The following ADCY2 variants were observed in gnomAD, a reference collection of about 807,000 sequenced individuals.
ADCY2 encodes adenylate cyclase type 2.
In ADCY2, 31 loss-of-function variants were observed where a neutral mutation model predicts 125.2. The ratio of observed to expected loss-of-function variants is 0.25; its 90% CI spans 0.19 to 0.33. The LOEUF (loss-of-function observed/expected upper bound fraction) is 0.33, where lower values mean the gene tolerates loss of function less well. ADCY2 is among the 10% of genes least tolerant of loss of function. ADCY2 has a pLI of 1.00. For synonymous variants in ADCY2, 512 were observed against 548.4 expected (o/e 0.93, Z 0.93); for missense variants, 904 against 1,418.2 (o/e 0.64, Z 5.82).
intron 4 of ADCY2, among the ~76,000 whole-genome samples, chr5:7,667,158 A>C (rs149440528): frequency 1.3e-5 from 2 of 152,164 alleles, no homozygotes; most frequent in African/African-American, 4.8e-5. Flanking sequence ...AGAAGGGGAG[A>C]GGATTACTGC....
chr5:7,614,172 T>C (rs1245602836), intron 3 of ADCY2, among the ~76,000 whole-genome samples: 2 of 152,210 alleles, frequency 1.3e-5, no homozygotes, highest in African/African-American at 2.4e-5. Flanking sequence ...AGACCCCAGA[T>C]CACAATGAAC....
intron 2 of ADCY2, among the ~76,000 whole-genome samples, chr5:7,448,009 C>G (rs1579453259): frequency 6.6e-6 from 1 of 152,136 alleles, no homozygotes; most frequent in East Asian, 1.9e-4. Context: ...GAGGGTGTCC[C>G]TTGAAGAGGC....
At chr5:7,722,434 C>T (rs1444910483) in intron 12 of ADCY2, among the ~76,000 whole-genome samples, 1 of 152,114 alleles carries the variant, frequency 6.6e-6, no homozygotes, top group Non-Finnish European at 1.5e-5. Flanking sequence ...AAGTTACCTG[C>T]ATATATTATT....
intron 3 of ADCY2, among the ~76,000 whole-genome samples, chr5:7,600,974 G>C (rs1737181690): frequency 6.6e-6 from 1 of 152,098 alleles, no homozygotes; most frequent in African/African-American, 2.4e-5. Context: ...GAAGGTCACT[G>C]GTGTTACAAA....
chr5:7,664,313 C>A (rs1413923988), intron 4 of ADCY2, among the ~76,000 whole-genome samples: 2 of 152,112 alleles, frequency 1.3e-5, no homozygotes, highest in African/African-American at 4.8e-5. Context: ...AATTTTACTT[C>A]AACTGTAAAG....
intron 3 of ADCY2, among the ~76,000 whole-genome samples, chr5:7,556,732 ACAG>A (rs1204642254): frequency 6.6e-6 from 1 of 152,138 alleles, no homozygotes; most frequent in Non-Finnish European, 1.5e-5. Context: ...CTCTGTTACA[ACAG>A]CAGCAGCATG....
chr5:7,743,516 CA>C (rs1742505521), intron 14 of ADCY2, 151 bp from the exon 15 acceptor site: 1 of 706,010 alleles, frequency 1.4e-6, no homozygotes, highest in Non-Finnish European at 2.5e-6. Context: ...ATGTATGTGG[CA>C]TTTTAGCTCC....
intron 18 of ADCY2, among the ~76,000 whole-genome samples, chr5:7,774,893 T>C (rs1025535734): frequency 3.5e-4 from 54 of 152,258 alleles, no homozygotes; most frequent in African/African-American, 1.3e-3. Context: ...ATTTATGGGG[T>C]ACATGAGATG....
At position 7,578,561 on chromosome 5, in the gene ADCY2, T is replaced by G. The variant is rs4475236; in HGVS notation, c.571-47606T>G. Among the ~76,000 whole-genome samples the G allele has an allele frequency of 5.9e-5, 9 of 151,968 alleles. No individual in the cohort carries two copies. The East Asian group carries it at 1.4e-3, about 23-fold the overall frequency. On this transcript the variant is annotated intron_variant, in intron 3 of 24. Coordinates refer to ENST00000338316, the MANE Select transcript of ADCY2 (RefSeq NM_020546.3). ...TTGTTGTTATGGTGGTGGTTTAGGT[T>G]TTTTTGCAATAAATTTTCTGTTTGT...
rs113050288 is a variant in ADCY2, at chr5:7,701,328, A to T, written c.1109+2954A>T. Among the ~76,000 whole-genome samples, 142 of 152,344 alleles carry T rather than the reference A, an allele frequency of 9.3e-4. 3 individuals are homozygous for T. The highest frequency in any genetic ancestry group is 3.3e-3 in the African/African-American group (137 of 41,586). On this transcript the variant is annotated intron_variant, in intron 7 of 24. Coordinates refer to ENST00000338316, the MANE Select transcript of ADCY2 (RefSeq NM_020546.3). Reference sequence around the variant, plus strand: ...TTCTGCTTTTGAATGAACTGTTTCCAGTTCCATAATGTTTAAGTTAATCCA... The same window carrying T: ...TTCTGCTTTTGAATGAACTGTTTCCTGTTCCATAATGTTTAAGTTAATCCA...
intron 14 of ADCY2, among the ~76,000 whole-genome samples, chr5:7,732,004 T>A (rs1444320896): frequency 6.6e-6 from 1 of 152,238 alleles, no homozygotes; most frequent in Non-Finnish European, 1.5e-5. Flanking sequence ...TGTAATTTTG[T>A]CTGTACGTTC....
intron 3 of ADCY2, among the ~76,000 whole-genome samples, chr5:7,581,764 T>C (rs1736441017): frequency 6.8e-6 from 1 of 146,058 alleles, no homozygotes. Context: ...GAGCTTGCAG[T>C]GAGCTGAGAT....
chr5:7,746,432 T>G (rs1742629574), intron 15 of ADCY2: 1 of 152,244 alleles, frequency 6.6e-6, no homozygotes, highest in African/African-American at 2.4e-5. Flanking sequence ...CTTTAAGGAT[T>G]TTTTAATTTG....
chr5:7,568,316 G>T (rs1008212436), intron 3 of ADCY2, among the ~76,000 whole-genome samples: 1 of 152,090 alleles, frequency 6.6e-6, no homozygotes, highest in Non-Finnish European at 1.5e-5. Context: ...TCTTGATACG[G>T]TTTAATCAGA....
intron 22 of ADCY2, among the ~76,000 whole-genome samples, chr5:7,814,560 A>T: frequency 6.6e-6 from 1 of 152,188 alleles, no homozygotes; most frequent in East Asian, 1.9e-4. Context: ...TGCAATCCCC[A>T]TGCACACTCC....
intron 2 of ADCY2, among the ~76,000 whole-genome samples, chr5:7,510,768 C>A (rs1344013245): frequency 6.6e-6 from 1 of 152,132 alleles, no homozygotes; most frequent in Non-Finnish European, 1.5e-5. Flanking sequence ...ACAGTGGATG[C>A]AAAGGAGTTG....
chr5:7,546,007 ACTT>A (rs1313905066), intron 3 of ADCY2, among the ~76,000 whole-genome samples: 1 of 152,160 alleles, frequency 6.6e-6, no homozygotes, highest in African/African-American at 2.4e-5. Context: ...ACAGAAATTC[ACTT>A]CTTCTGTCTT....
At chr5:7,418,645 C>CTTTTTTT (rs1160037097) in intron 2 of ADCY2, among the ~76,000 whole-genome samples, 2 of 92,508 alleles carry the variant, frequency 2.2e-5, no homozygotes, top group African/African-American at 5.1e-5. Context: ...AGTCTACCTT[C>CTTTTTTT]TGTTTTTTTT....
chr5:7,481,642 C>A (rs940682220), intron 2 of ADCY2, among the ~76,000 whole-genome samples: 1 of 152,118 alleles, frequency 6.6e-6, no homozygotes, highest in African/African-American at 2.4e-5. Flanking sequence ...ATCATTTGCC[C>A]ATTTTTCAAT....
Sources: allele counts gnomAD v4.1 joint callset (sites outside exome capture counted in the v4.1 genomes callset), GRCh38; gene constraint gnomAD v4.1.1; transcripts MANE v1.5; gene names NCBI Gene and HGNC (gene_info 2026-07-23, HGNC 2026-07-21).